PRKCQ: variants seen among roughly 807,000 people sequenced by gnomAD.
PRKCQ encodes protein kinase C theta type.
PRKCQ carries 41 observed loss-of-function variants against 91.2 expected under a neutral mutation model. The observed-to-expected ratio is 0.45, with a 90% CI of 0.35 to 0.58. The LOEUF (loss-of-function observed/expected upper bound fraction) is 0.58. Ranked by LOEUF, PRKCQ falls within the 20% of genes least tolerant of loss-of-function variation. PRKCQ has a pLI of 0.00. For missense variants in PRKCQ, 673 were observed against 896.5 expected (o/e 0.75, Z 3.18); for synonymous variants, 307 against 316.9 (o/e 0.97, Z 0.33).
At position 6,497,389 on chromosome 10, in the gene PRKCQ, G is replaced by C. The variant is rs112538142; in HGVS notation, c.543-138C>G. 9.6e-3 allele frequency: 9,612 copies of C among 1,005,034 alleles called. 72 individuals are homozygous for C. Among genetic ancestry groups the C allele is most frequent in the Admixed American group, 0.013 (650 of 49,952 alleles). 62.3% of individuals were successfully genotyped at this position (1,005,034 alleles called of 1,614,324 possible). A position where few individuals can be genotyped will look rare whatever the true frequency, so the allele number is the denominator to read the frequency against. On this transcript the variant is annotated intron_variant, in intron 5 of 17. Transcript: ENST00000263125. This position sits in a 1 kb window ranked among gnomAD's most constrained non-coding sequence, Gnocchi z 4.5. ...GATCAGCAGCCCTGTTGTATCATTT[G>C]CCAAGAGTATTAACAGAGTGTTTTT...
chr10:6,555,566 A>C (rs1840378167), intron 1 of PRKCQ, among the ~76,000 whole-genome samples: 1 of 152,252 alleles, frequency 6.6e-6, no homozygotes, highest in African/African-American at 2.4e-5. Context: ...ATGATAAAGA[A>C]AATATTTAAT....
Position 6,427,940 on chromosome 10 carries a change from C to T in PRKCQ, c.*267G>A. On this transcript the variant is annotated 3_prime_UTR_variant, in exon 18 of 18. Coordinates refer to ENST00000263125, the MANE Select transcript of PRKCQ (RefSeq NM_006257.5). ...AACCTTTCCAAGTGCGGAGACCCAT[C>T]TTTCAAGTAAATAACTATGGTTAGT... 2.3e-6 allele frequency: 1 copy of T among 426,874 alleles called. No individual in the cohort carries two copies. 26.4% of individuals were successfully genotyped at this position (426,874 alleles called of 1,614,324 possible). A position where few individuals can be genotyped will look rare whatever the true frequency, so the allele number is the denominator to read the frequency against.
intron 1 of PRKCQ, among the ~76,000 whole-genome samples, chr10:6,534,474 A>G (rs1269845868): frequency 6.6e-6 from 1 of 152,108 alleles, no homozygotes; most frequent in African/African-American, 2.4e-5. Flanking sequence ...TGAATTATGA[A>G]GCAGATCTCG....
chr10:6,518,548 A>G (rs962767625), intron 1 of PRKCQ, among the ~76,000 whole-genome samples: 4 of 152,134 alleles, frequency 2.6e-5, no homozygotes, highest in Non-Finnish European at 5.9e-5. Context: ...TAGTCTGGGC[A>G]TGGTGGCTCA....
chr10:6,561,955 T>C (rs10796268), intron 1 of PRKCQ, among the ~76,000 whole-genome samples: 137,652 of 152,226 alleles, frequency 0.9, 63,022 homozygotes, highest in East Asian at 1. Flanking sequence ...CTGAGGTGAA[T>C]AAAAGTCTGA....
chr10:6,485,212 G>A lies in PRKCQ; in HGVS notation c.958C>T (p.Leu320Phe). Residue 320 changes from leucine to phenylalanine, a missense_variant, in exon 10 of 18, where the codon CTC becomes TTC. Physicochemically the swap from Leu to Phe is conservative, Grantham distance 22 (BLOSUM62 0). Transcript: ENST00000263125. ...GCTTCATTTTTGATGGAGCATGGGA[G>A]ACCAATTTCAACCGGACCTTCTCTG... ...IFREGPVEIG[L>F]PCSIKNEARP... The A allele has an allele frequency of 3.1e-6, 5 of 1,614,076 alleles. No individual in the cohort carries two copies. The highest frequency in any genetic ancestry group is 1.7e-5 in the Admixed American group (1 of 60,004).
chr10:6,496,907 G>C, intron 7 of PRKCQ, 128 bp downstream of exon 7: 2 of 846,012 alleles, frequency 2.4e-6, no homozygotes, highest in Non-Finnish European at 3.9e-6. Context: ...AAGAGTTTTG[G>C]GGAGATGGAT....
chr10:6,534,181 G>T (rs1588393294), intron 1 of PRKCQ, among the ~76,000 whole-genome samples: 1 of 152,220 alleles, frequency 6.6e-6, no homozygotes, highest in South Asian at 2.1e-4. Flanking sequence ...AAGTTATCAA[G>T]GGCCAATAAA....
At chr10:6,434,030 TA>T (rs779037464) in intron 16 of PRKCQ, among the ~76,000 whole-genome samples, 120 of 115,638 alleles carry the variant, frequency 1.0e-3, no homozygotes, top group African/African-American at 1.1e-3. Flanking sequence ...CAAGACTCCT[TA>T]AAAAAAAAAA....
intron 1 of PRKCQ, among the ~76,000 whole-genome samples, chr10:6,577,890 A>C (rs1204823700): frequency 6.6e-6 from 1 of 151,942 alleles, no homozygotes; most frequent in Admixed American, 6.6e-5. Context: ...TGAATCCCCG[A>C]AGTTACATAC....
chr10:6,570,487 G>A (rs139979264), intron 1 of PRKCQ, among the ~76,000 whole-genome samples: 3 of 151,860 alleles, frequency 2.0e-5, no homozygotes, highest in Admixed American at 2.0e-4. Context: ...AGATTCCCAA[G>A]AACAAGAAAG....
intron 12 of PRKCQ, among the ~76,000 whole-genome samples, chr10:6,474,813 CT>C (rs1266302437): frequency 2.0e-5 from 3 of 151,742 alleles, no homozygotes; most frequent in African/African-American, 7.3e-5. Context: ...TATTTTTTTA[CT>C]TTTTAAAATG....
At chr10:6,441,394 G>A (rs2132258070) in intron 16 of PRKCQ, among the ~76,000 whole-genome samples, 1 of 152,192 alleles carries the variant, frequency 6.6e-6, no homozygotes, top group South Asian at 2.1e-4. Context: ...CGCTCACCTT[G>A]GCCTCCCAAA....
chr10:6,531,807 T>C (rs1268270194), intron 1 of PRKCQ, among the ~76,000 whole-genome samples: 1 of 152,198 alleles, frequency 6.6e-6, no homozygotes, highest in East Asian at 1.9e-4. Flanking sequence ...ATCTGTTTTT[T>C]GTTTTTTTGT....
At chr10:6,578,306 T>TC (rs1361359691) in intron 1 of PRKCQ, among the ~76,000 whole-genome samples, 1 of 152,174 alleles carries the variant, frequency 6.6e-6, no homozygotes, top group East Asian at 1.9e-4. Flanking sequence ...AGTTAGCTCC[T>TC]CAAGTAACAG....
chr10:6,449,192 T>C (rs1338647937), intron 15 of PRKCQ, among the ~76,000 whole-genome samples: 1 of 147,738 alleles, frequency 6.8e-6, no homozygotes, highest in Non-Finnish European at 1.5e-5. Context: ...TGAAAAAAAT[T>C]TAGACGAATG....
chr10:6,452,751 C>A (rs1430040631), intron 15 of PRKCQ, among the ~76,000 whole-genome samples: 1,865 of 126,062 alleles, frequency 0.015, no homozygotes, highest in African/African-American at 0.018. Flanking sequence ...CAGAACAGAG[C>A]CCTCAGAAAT....
chr10:6,455,537 T>A (rs1360487991), intron 15 of PRKCQ, among the ~76,000 whole-genome samples: 2 of 152,148 alleles, frequency 1.3e-5, no homozygotes, highest in Non-Finnish European at 2.9e-5. Context: ...AAATCAGAGG[T>A]CTGCCAGAGT....
intron 15 of PRKCQ, among the ~76,000 whole-genome samples, chr10:6,451,985 A>G (rs1834717313): frequency 6.6e-6 from 1 of 152,188 alleles, no homozygotes; most frequent in African/African-American, 2.4e-5. Context: ...GAATGGGCAA[A>G]AACTGGAAGC....
Sources: allele counts gnomAD v4.1 joint callset (sites outside exome capture counted in the v4.1 genomes callset), GRCh38; gene constraint gnomAD v4.1.1; non-coding constraint Gnocchi (gnomAD v3.1); transcripts MANE v1.5; gene names NCBI Gene and HGNC (gene_info 2026-07-23, HGNC 2026-07-21).